Variants in RAD51B observed in about 807,000 individuals in gnomAD.
RAD51B encodes the protein DNA repair protein RAD51 homolog 2.
A neutral mutation model predicts 42.2 loss-of-function variants in RAD51B; 38 were observed. The observed-to-expected ratio is 0.90, with a 90% CI of 0.70 to 1.18. The LOEUF is 1.18. RAD51B is among the 50% of genes most tolerant of loss of function. The pLI is 0.00. For missense variants in RAD51B, 373 were observed against 400.7 expected (o/e 0.93, Z 0.59); for synonymous variants, 154 against 145.2 (o/e 1.06, Z -0.43).
intron 7 of RAD51B, among the ~76,000 whole-genome samples, chr14:67,937,790 A>G (rs543075149): frequency 6.8e-6 from 1 of 146,392 alleles, no homozygotes; most frequent in African/African-American, 2.5e-5. Flanking sequence ...TCAGGTTGAT[A>G]TTGAAATACA....
chr14:68,382,447 T>A (rs2083498953), intron 8 of RAD51B, among the ~76,000 whole-genome samples: 2 of 152,178 alleles, frequency 1.3e-5, no homozygotes, highest in Non-Finnish European at 2.9e-5. Flanking sequence ...TTCTAATTCT[T>A]AAAAGTTAGG....
chr14:67,907,671 C>A (rs927283036), intron 7 of RAD51B, among the ~76,000 whole-genome samples: 10 of 152,056 alleles, frequency 6.6e-5, no homozygotes, highest in Admixed American at 3.9e-4. Context: ...TTCTGCTGTA[C>A]TCTATTAGAC....
At chr14:67,962,774 ATG>A (rs1256437391) in intron 7 of RAD51B, among the ~76,000 whole-genome samples, 1 of 152,220 alleles carries the variant, frequency 6.6e-6, no homozygotes, top group Non-Finnish European at 1.5e-5. Flanking sequence ...TCATATATAT[ATG>A]TAAGATTTAG....
intron 7 of RAD51B, among the ~76,000 whole-genome samples, chr14:68,258,443 TCA>T (rs56704300): frequency 4.0e-5 from 6 of 149,976 alleles, no homozygotes; most frequent in Admixed American, 1.3e-4. Flanking sequence ...TCTCTCTCTC[TCA>T]CACACACACA....
intron 7 of RAD51B, among the ~76,000 whole-genome samples, chr14:68,241,323 A>G (rs1004823124): frequency 6.6e-6 from 1 of 152,204 alleles, no homozygotes; most frequent in Non-Finnish European, 1.5e-5. Flanking sequence ...CAGGTGGATC[A>G]CGAGGTCAGG....
chr14:68,673,612 CACG>C (rs1267588429), intron 11 of RAD51B, among the ~76,000 whole-genome samples: 2 of 151,218 alleles, frequency 1.3e-5, no homozygotes, highest in Non-Finnish European at 2.9e-5. Flanking sequence ...TGCACACACA[CACG>C]TACACATACT....
intron 7 of RAD51B, among the ~76,000 whole-genome samples, chr14:68,219,662 CGT>C (rs1273249036): frequency 6.6e-6 from 1 of 152,126 alleles, no homozygotes; most frequent in East Asian, 1.9e-4. Context: ...GGGAGCACCC[CGT>C]GTCCCAAAGA....
At chr14:68,085,576 A>T (rs1011392770) in intron 7 of RAD51B, among the ~76,000 whole-genome samples, 7 of 152,222 alleles carry the variant, frequency 4.6e-5, no homozygotes, top group Non-Finnish European at 7.3e-5. Flanking sequence ...TGTTTAAATT[A>T]AAAAAGCCAT....
intron 8 of RAD51B, among the ~76,000 whole-genome samples, chr14:68,361,538 A>G (rs1480817244): frequency 6.6e-6 from 1 of 151,982 alleles, no homozygotes; most frequent in Non-Finnish European, 1.5e-5. Context: ...CATCATGTCT[A>G]CTGTTTTCTT....
intron 7 of RAD51B, among the ~76,000 whole-genome samples, chr14:67,913,670 T>C (rs796491565): frequency 1.7e-4 from 26 of 152,266 alleles, no homozygotes; most frequent in African/African-American, 6.0e-4. Flanking sequence ...TTTTTGTGGG[T>C]ACATAGTAGG....
At chr14:67,838,636 G>A (rs2041326987) in intron 4 of RAD51B, among the ~76,000 whole-genome samples, 1 of 151,952 alleles carries the variant, frequency 6.6e-6, no homozygotes, top group African/African-American at 2.4e-5. Flanking sequence ...GTAGAGATGA[G>A]GGCTTGCTAT....
At chr14:68,287,282 A>T (rs2081431493) in intron 7 of RAD51B, among the ~76,000 whole-genome samples, 1 of 152,208 alleles carries the variant, frequency 6.6e-6, no homozygotes, top group Non-Finnish European at 1.5e-5. Context: ...GTGACACTAT[A>T]TGAGGTGCCA....
At chr14:67,952,291 A>G (rs2074468270) in intron 7 of RAD51B, among the ~76,000 whole-genome samples, 1 of 152,128 alleles carries the variant, frequency 6.6e-6, no homozygotes, top group African/African-American at 2.4e-5. Context: ...TTGAAGTGTC[A>G]TTGTCAATAC....
chr14:67,823,622 T>C lies in RAD51B; in HGVS notation c.79T>C (p.Cys27Arg). The C allele has an allele frequency of 1.3e-5, 21 of 1,610,572 alleles. No individual in the cohort carries two copies. The highest frequency in any genetic ancestry group is 1.7e-5 in the Non-Finnish European group (20 of 1,178,284). Residue 27 changes from cysteine (C) to arginine (R), a missense_variant, in exon 2 of 11, where the codon TGT (cysteine) becomes CGT (arginine). Cys to Arg is a radical substitution (Grantham distance 180). Coordinates refer to ENST00000471583, the MANE Select transcript of RAD51B (RefSeq NM_133510.4). ...DRLSRHQILT[C>R]QDFLCLSPLE... ...TCTGAGTAGACATCAGATCCTTACC[T>C]GTCAGGTAAATTTTATTTAACATTT...
chr14:68,382,923 C>A (rs1291673273), intron 8 of RAD51B, among the ~76,000 whole-genome samples: 1 of 152,098 alleles, frequency 6.6e-6, no homozygotes, highest in Admixed American at 6.5e-5. Context: ...TGGGTGCAGC[C>A]CCCTTTAGAC....
chr14:68,342,077 T>C (rs1352710568), intron 8 of RAD51B, among the ~76,000 whole-genome samples: 2 of 152,188 alleles, frequency 1.3e-5, no homozygotes, highest in Non-Finnish European at 1.5e-5. Context: ...TTGCTCCCCA[T>C]ATAATTTGCT....
chr14:68,190,467 C>T (rs1379913979), intron 7 of RAD51B, among the ~76,000 whole-genome samples: 1 of 152,026 alleles, frequency 6.6e-6, no homozygotes, highest in Admixed American at 6.6e-5. Flanking sequence ...AAAACATGTC[C>T]ACCAAATGGA....
At chr14:68,340,022 A>C (rs567671347) in intron 8 of RAD51B, among the ~76,000 whole-genome samples, 1 of 152,320 alleles carries the variant, frequency 6.6e-6, no homozygotes, top group East Asian at 1.9e-4. Flanking sequence ...AAAAAAGAAG[A>C]AATGTTTTTA....
intron 10 of RAD51B, among the ~76,000 whole-genome samples, chr14:68,517,950 C>A (rs377693748): frequency 3.3e-5 from 5 of 152,050 alleles, no homozygotes; most frequent in African/African-American, 1.2e-4. Context: ...AACTCTTCTA[C>A]CGCCTTGATC....
Sources: allele counts gnomAD v4.1 joint callset (sites outside exome capture counted in the v4.1 genomes callset), GRCh38; gene constraint gnomAD v4.1.1; transcripts MANE v1.5; gene names NCBI Gene and HGNC (gene_info 2026-07-23, HGNC 2026-07-21).